The following RABGAP1L variants were observed in gnomAD, a reference collection of about 807,000 sequenced individuals.
The protein encoded by RABGAP1L is RAB GTPase activating protein 1 like, also known as rab GTPase-activating protein 1-like.
A neutral mutation model predicts 137.7 loss-of-function variants in RABGAP1L; 63 were observed. The observed-to-expected ratio is 0.46, with a 90% CI of 0.37 to 0.56. The LOEUF (loss-of-function observed/expected upper bound fraction) is 0.56. RABGAP1L is among the 20% of genes least tolerant of loss of function. RABGAP1L has a pLI of 0.00. For missense variants in RABGAP1L, 1,095 were observed against 1,244.0 expected (o/e 0.88, Z 1.80); for synonymous variants, 431 against 433.7 (o/e 0.99, Z 0.08).
intron 13 of RABGAP1L, among the ~76,000 whole-genome samples, chr1:174,542,546 T>C (rs1665564347): frequency 6.6e-6 from 1 of 152,170 alleles, no homozygotes; most frequent in Non-Finnish European, 1.5e-5. Context: ...AAAAACCAGC[T>C]CCTGGATTCA....
intron 20 of RABGAP1L, chr1:174,965,120 A>G (rs773522030): frequency 3.9e-5 from 24 of 621,924 alleles, no homozygotes; most frequent in Non-Finnish European, 6.3e-5. Flanking sequence ...GGGTGAAACT[A>G]TGAGGACAGT....
At chr1:174,252,382 T>C in intron 6 of RABGAP1L, 98 bp from the exon 7 acceptor site, 1 of 1,424,900 alleles carries the variant, frequency 7.0e-7, no homozygotes, top group Non-Finnish European at 9.4e-7. Context: ...AAGGGTGTTG[T>C]TGCTTAAATA....
intron 15 of RABGAP1L, among the ~76,000 whole-genome samples, chr1:174,693,080 G>A (rs1678991214): frequency 1.3e-5 from 2 of 152,164 alleles, no homozygotes; most frequent in South Asian, 2.1e-4. Flanking sequence ...ATAGGTTCTT[G>A]TAGATTATAC....
intron 13 of RABGAP1L, among the ~76,000 whole-genome samples, chr1:174,439,566 T>C (rs12077381): frequency 0.35 from 53,539 of 152,018 alleles, 12,076 homozygotes; most frequent in African/African-American, 0.64. Flanking sequence ...ACTAGTGAAA[T>C]ACTCAGTTTA....
At chr1:174,882,112 C>T (rs1169891857) in intron 19 of RABGAP1L, among the ~76,000 whole-genome samples, 2 of 152,104 alleles carry the variant, frequency 1.3e-5, no homozygotes, top group Non-Finnish European at 2.9e-5. Flanking sequence ...CTGCCCACCT[C>T]GGCCTCCCAG....
Position 174,788,803 on chromosome 1 carries a change from C to T in RABGAP1L, c.2212-23029C>T, listed in dbSNP as rs573716707. Among the ~76,000 whole-genome samples the T allele has an allele frequency of 2.6e-5, 4 of 152,264 alleles. No homozygotes were observed. The East Asian group carries it at 7.7e-4, about 29-fold the overall frequency. On this transcript the variant is annotated intron_variant, in intron 18 of 25. Transcript: ENST00000681986. Reference sequence around the variant, plus strand: ...CTCGGCTTACTGGAACCTCCATCTCCCAGGTTCCAGTGATCCTCGTGCCTC... The same window carrying T: ...CTCGGCTTACTGGAACCTCCATCTCTCAGGTTCCAGTGATCCTCGTGCCTC...
chr1:174,517,132 G>A (rs939644383), intron 13 of RABGAP1L, among the ~76,000 whole-genome samples: 2 of 151,844 alleles, frequency 1.3e-5, no homozygotes, highest in African/African-American at 2.4e-5. Context: ...AGATACAGAC[G>A]TGAATAATAT....
At chr1:174,901,328 G>A (rs573534573) in intron 19 of RABGAP1L, among the ~76,000 whole-genome samples, 2 of 152,284 alleles carry the variant, frequency 1.3e-5, no homozygotes, top group Admixed American at 6.5e-5. Context: ...GTTCAGAATG[G>A]CTGGGGAGGC....
intron 11 of RABGAP1L, among the ~76,000 whole-genome samples, chr1:174,355,204 G>C (rs1178238761): frequency 6.6e-6 from 1 of 151,970 alleles, no homozygotes; most frequent in Non-Finnish European, 1.5e-5. Flanking sequence ...CAAAGACTTG[G>C]AACCAACCCA....
chr1:174,698,884 G>C (rs929648855), intron 15 of RABGAP1L, among the ~76,000 whole-genome samples: 2 of 152,084 alleles, frequency 1.3e-5, no homozygotes, highest in African/African-American at 4.8e-5. Context: ...GTAGATATGA[G>C]GCTATGCAAA....
At chr1:174,770,430 A>G (rs930160334) in intron 18 of RABGAP1L, among the ~76,000 whole-genome samples, 3 of 152,234 alleles carry the variant, frequency 2.0e-5, no homozygotes, top group Admixed American at 6.5e-5. Flanking sequence ...TGCACATATT[A>G]TATAATACCT....
intron 13 of RABGAP1L, chr1:174,545,045 A>C (rs1665880343): frequency 6.6e-6 from 1 of 152,080 alleles, no homozygotes; most frequent in Non-Finnish European, 1.5e-5. Flanking sequence ...TAGACTACTC[A>C]GGTGTCAGGG....
intron 1 of RABGAP1L, among the ~76,000 whole-genome samples, chr1:174,178,852 G>T (rs1056032716): frequency 6.6e-6 from 1 of 152,138 alleles, no homozygotes; most frequent in African/African-American, 2.4e-5. Flanking sequence ...GGCAAGGGAA[G>T]GGAGAGCATT....
At chr1:174,741,971 T>C (rs916331646) in intron 17 of RABGAP1L, among the ~76,000 whole-genome samples, 2 of 142,102 alleles carry the variant, frequency 1.4e-5, no homozygotes, top group African/African-American at 5.3e-5. Flanking sequence ...CCTGGAAGGT[T>C]GAGGCTGTGG....
chr1:174,315,879 AC>A (rs1558125694), intron 11 of RABGAP1L, among the ~76,000 whole-genome samples: 1 of 151,610 alleles, frequency 6.6e-6, no homozygotes, highest in Non-Finnish European at 1.5e-5. Flanking sequence ...TTAGATTCGC[AC>A]CTTTGAGCCT....
At chr1:174,783,417 G>A (rs1687182682) in intron 18 of RABGAP1L, among the ~76,000 whole-genome samples, 1 of 152,010 alleles carries the variant, frequency 6.6e-6, no homozygotes, top group African/African-American at 2.4e-5. Flanking sequence ...CACCATCTTG[G>A]GAGCTCTAAG....
intron 19 of RABGAP1L, among the ~76,000 whole-genome samples, chr1:174,820,662 G>T (rs148202812): frequency 2.6e-5 from 4 of 152,120 alleles, no homozygotes; most frequent in African/African-American, 4.8e-5. Context: ...CTTATTGGGG[G>T]TTACCCAAGA....
chr1:174,710,647 G>A (rs1003730927), intron 17 of RABGAP1L, among the ~76,000 whole-genome samples: 3 of 152,096 alleles, frequency 2.0e-5, no homozygotes, highest in Non-Finnish European at 4.4e-5. Flanking sequence ...GTCACCACCA[G>A]GCCTGCCTTA....
chr1:174,893,361 G>A (rs774499500), intron 19 of RABGAP1L, among the ~76,000 whole-genome samples: 6 of 152,080 alleles, frequency 3.9e-5, no homozygotes, highest in Non-Finnish European at 8.8e-5. Flanking sequence ...ATTATGTGGG[G>A]TGACTATTAT....
Sources: gnomAD v4.1 joint callset for allele counts (sites outside exome capture counted in the v4.1 genomes callset) on GRCh38, gnomAD v4.1.1 for gene constraint, MANE v1.5 for transcripts, NCBI Gene and HGNC (gene_info 2026-07-23, HGNC 2026-07-21) for gene names.